TBC1D5: variants seen among roughly 807,000 people sequenced by gnomAD.
TBC1D5 encodes TBC1 domain family member 5, also known as TBC1 domain family, member 5.
TBC1D5 carries 75 observed loss-of-function variants against 100.3 expected under a neutral mutation model. That is an observed-to-expected ratio of 0.75 (90% CI 0.62 to 0.91). The LOEUF is 0.91. Among genes scored for constraint, TBC1D5 ranks in the 40% least tolerant of loss-of-function variants. The pLI is 0.00. For missense variants in TBC1D5, 910 were observed against 942.4 expected (o/e 0.97, Z 0.45); for synonymous variants, 323 against 325.6 (o/e 0.99, Z 0.09).
chr3:17,571,507 C>T (rs2096627065), intron 2 of TBC1D5, among the ~76,000 whole-genome samples: 1 of 151,928 alleles, frequency 6.6e-6, no homozygotes, highest in Non-Finnish European at 1.5e-5. Flanking sequence ...AAATCGAGTT[C>T]TTTGACTTCA....
intron 1 of TBC1D5, among the ~76,000 whole-genome samples, chr3:17,713,255 T>C (rs2153941816): frequency 6.6e-6 from 1 of 151,404 alleles, no homozygotes; most frequent in South Asian, 2.1e-4. Flanking sequence ...TTTTTTTTTT[T>C]TTTTGAGATG....
chr3:17,327,742 T>C (rs929812976), intron 13 of TBC1D5, among the ~76,000 whole-genome samples: 1 of 152,182 alleles, frequency 6.6e-6, no homozygotes, highest in Admixed American at 6.5e-5. Context: ...CTATATTTCA[T>C]GTTCTCGTAT....
intron 8 of TBC1D5, among the ~76,000 whole-genome samples, chr3:17,390,185 T>C (rs2093309752): frequency 6.6e-6 from 1 of 151,990 alleles, no homozygotes; most frequent in African/African-American, 2.4e-5. Context: ...TGTGTGGAAG[T>C]GAACTGAAAA....
chr3:17,233,578 A>C, intron 17 of TBC1D5, 107 bp downstream of exon 18: 1 of 631,022 alleles, frequency 1.6e-6, no homozygotes, highest in Non-Finnish European at 2.7e-6. Flanking sequence ...TGAATTGAAA[A>C]CAGTATGAAT....
intron 3 of TBC1D5, among the ~76,000 whole-genome samples, chr3:17,440,552 G>GGCTGCAGTGAGCTGAGATGGAGCC (rs1309223311): frequency 2.0e-5 from 3 of 152,170 alleles, no homozygotes. Flanking sequence ...ATGAGATCTA[G>GGCTGCAGTGAGCTGAGATGGAGCC]GCTGCAGTGA....
At chr3:17,550,625 A>G (rs1398269973) in intron 2 of TBC1D5, among the ~76,000 whole-genome samples, 3 of 152,154 alleles carry the variant, frequency 2.0e-5, no homozygotes, top group African/African-American at 7.2e-5. Context: ...CTAATCTACA[A>G]TGCTTACTGC....
At chr3:17,725,583 C>T (rs538936418) in intron 1 of TBC1D5, among the ~76,000 whole-genome samples, 60 of 152,232 alleles carry the variant, frequency 3.9e-4, no homozygotes, top group Non-Finnish European at 6.0e-4. Flanking sequence ...TATCCTGTGC[C>T]TTGTGAGGCC....
intron 13 of TBC1D5, among the ~76,000 whole-genome samples, chr3:17,363,248 T>C (rs902353341): frequency 6.6e-6 from 1 of 152,170 alleles, no homozygotes; most frequent in African/African-American, 2.4e-5. Flanking sequence ...TATCTATACA[T>C]GGACTTTTAT....
In TBC1D5 at chr3:17,368,158, TA is replaced by T. The variant is rs2092273695; in HGVS notation, c.995+3916del. 2.6e-5 allele frequency among the ~76,000 whole-genome samples: 4 copies of T among 152,252 alleles called. No individual in the cohort carries two copies. The South Asian group carries it at 8.3e-4, about 32-fold the overall frequency. On this transcript the variant is annotated intron_variant, in intron 13 of 21. Transcript: ENST00000253692. ...AGCATTAAATAAGCAAACTGTTATA[TA>T]ATATTCAAGATTTCATGTGGACTTA...
At chr3:17,594,234 C>CATT (rs2060420040) in intron 2 of TBC1D5, among the ~76,000 whole-genome samples, 1 of 152,168 alleles carries the variant, frequency 6.6e-6, no homozygotes, top group Non-Finnish European at 1.5e-5. Context: ...AATCAGTGTA[C>CATT]TACTCCACAA....
At chr3:17,637,044 C>CG (rs2153688625) in intron 1 of TBC1D5, among the ~76,000 whole-genome samples, 1 of 148,158 alleles carries the variant, frequency 6.7e-6, no homozygotes, top group East Asian at 2.0e-4. Flanking sequence ...TTTTTTGAGA[C>CG]GGAGTGTCAC....
intron 16 of TBC1D5, among the ~76,000 whole-genome samples, chr3:17,249,992 G>C (rs1303892262): frequency 3.9e-5 from 6 of 152,142 alleles, no homozygotes; most frequent in African/African-American, 1.4e-4. Context: ...ATATGACAGA[G>C]ACAAAGTGAG....
At chr3:17,565,370 T>C (rs1253035010) in intron 2 of TBC1D5, among the ~76,000 whole-genome samples, 1 of 152,140 alleles carries the variant, frequency 6.6e-6, no homozygotes, top group Non-Finnish European at 1.5e-5. Flanking sequence ...TTTTCCTAAA[T>C]ATTTTTCATA....
At chr3:17,567,699 G>A (rs1395304184) in intron 2 of TBC1D5, among the ~76,000 whole-genome samples, 5 of 151,552 alleles carry the variant, frequency 3.3e-5, no homozygotes, top group African/African-American at 1.2e-4. Context: ...AGCTGAAAAG[G>A]TGGTTCTAAA....
intron 1 of TBC1D5, among the ~76,000 whole-genome samples, chr3:17,722,868 C>T (rs1293461620): frequency 2.0e-5 from 3 of 152,182 alleles, no homozygotes; most frequent in East Asian, 1.9e-4. Context: ...ATGAAAAACA[C>T]ATCTCCCACT....
intron 14 of TBC1D5, among the ~76,000 whole-genome samples, chr3:17,302,013 A>G (rs1471688359): frequency 1.3e-5 from 2 of 152,220 alleles, no homozygotes; most frequent in Non-Finnish European, 2.9e-5. Context: ...GTGGCTTAAA[A>G]TAACAGAAAT....
At chr3:17,197,715 T>C (rs1316924078) in intron 18 of TBC1D5, among the ~76,000 whole-genome samples, 1 of 152,144 alleles carries the variant, frequency 6.6e-6, no homozygotes, top group African/African-American at 2.4e-5. Flanking sequence ...CATAGTGATT[T>C]TGGGGAACAT....
rs373264150 is a variant in TBC1D5, at chr3:17,301,607, C to A, written c.1138+6385G>T. On this transcript the variant is annotated intron_variant, in intron 14 of 21. Transcript: ENST00000253692. Reference sequence around the variant, plus strand: ...TCACAATCTAGTTGAGGAGATAGGACCAACACCCACAATAACTACGGAAAA... The same window carrying A: ...TCACAATCTAGTTGAGGAGATAGGAACAACACCCACAATAACTACGGAAAA... Among the ~76,000 whole-genome samples the A allele has an allele frequency of 7.9e-4, 120 of 152,220 alleles. 2 individuals carry two copies. In the East Asian group the frequency reaches 0.012, roughly 15 times the overall value.
At chr3:17,479,660 G>C (rs115447659) in intron 3 of TBC1D5, among the ~76,000 whole-genome samples, 8 of 152,090 alleles carry the variant, frequency 5.3e-5, no homozygotes, top group Non-Finnish European at 7.4e-5. Context: ...AACAGAGTGA[G>C]ACCCCATCTC....
Sources: gnomAD v4.1 joint callset for allele counts (sites outside exome capture counted in the v4.1 genomes callset) on GRCh38, gnomAD v4.1.1 for gene constraint, MANE v1.5 for transcripts, NCBI Gene and HGNC (gene_info 2026-07-23, HGNC 2026-07-21) for gene names.